Variants in CDC14A observed in about 807,000 individuals in gnomAD.
CDC14A encodes cell division cycle 14A.
In CDC14A, 53 loss-of-function variants were observed where a neutral mutation model predicts 74.4. That is an observed-to-expected ratio of 0.71 (90% CI 0.57 to 0.89). CDC14A has a LOEUF of 0.89. Ranked by LOEUF, CDC14A falls within the 40% of genes least tolerant of loss-of-function variation. The pLI, the probability that CDC14A is intolerant of heterozygous loss-of-function variation, is 0.00. For synonymous variants in CDC14A, 247 were observed against 258.4 expected (o/e 0.96, Z 0.43); for missense variants, 646 against 713.7 (o/e 0.91, Z 1.08).
chr1:100,445,403 G>A (rs1665424612), intron 7 of CDC14A, among the ~76,000 whole-genome samples: 1 of 152,112 alleles, frequency 6.6e-6, no homozygotes, highest in Admixed American at 6.5e-5. Context: ...AATTAGGTGA[G>A]TTTCAGACCC....
chr1:100,345,840 A>G (rs1650363960), intron 1 of CDC14A, among the ~76,000 whole-genome samples: 1 of 152,236 alleles, frequency 6.6e-6, no homozygotes, highest in Non-Finnish European at 1.5e-5. Flanking sequence ...TGTAGAGTAG[A>G]AACATTATTA....
At chr1:100,476,540 A>G (rs1236585661) in intron 10 of CDC14A, among the ~76,000 whole-genome samples, 1 of 152,136 alleles carries the variant, frequency 6.6e-6, no homozygotes, top group African/African-American at 2.4e-5. Context: ...CGAGGAACTC[A>G]CCACCATTTC....
intron 10 of CDC14A, among the ~76,000 whole-genome samples, chr1:100,474,366 T>G (rs982523467): frequency 6.6e-6 from 1 of 152,168 alleles, no homozygotes; most frequent in African/African-American, 2.4e-5. Flanking sequence ...AATTGGGAAT[T>G]GTTCTTCTCT....
At chr1:100,401,766 C>T (rs988874448) in intron 4 of CDC14A, among the ~76,000 whole-genome samples, 10 of 152,084 alleles carry the variant, frequency 6.6e-5, no homozygotes, top group Admixed American at 4.6e-4. Context: ...GGGCCGGCCA[C>T]GGTGGCTCAT....
chr1:100,396,276 A>G (rs1353682255), intron 4 of CDC14A, among the ~76,000 whole-genome samples: 5 of 152,216 alleles, frequency 3.3e-5, no homozygotes, highest in Admixed American at 6.5e-5. Flanking sequence ...GGAAGAGACT[A>G]GGATGGCCAG....
intron 7 of CDC14A, among the ~76,000 whole-genome samples, chr1:100,445,349 C>A (rs966577675): frequency 6.6e-6 from 1 of 152,108 alleles, no homozygotes; most frequent in Non-Finnish European, 1.5e-5. Flanking sequence ...CAGTCCTATA[C>A]CCAATTTTGT....
chr1:100,462,922 A>C, intron 9 of CDC14A, 41 bp downstream of exon 9: 1 of 1,475,634 alleles, frequency 6.8e-7, no homozygotes, highest in Non-Finnish European at 9.5e-7. Context: ...TGCTTATCGA[A>C]GGGGCGGGCC....
chr1:100,439,165 T>C (rs1664657075), intron 5 of CDC14A, among the ~76,000 whole-genome samples: 1 of 152,366 alleles, frequency 6.6e-6, no homozygotes, highest in South Asian at 2.1e-4. Context: ...CACGGTAGGT[T>C]CCCACTCCTT....
At chr1:100,398,412 C>T (rs1048799381) in intron 4 of CDC14A, among the ~76,000 whole-genome samples, 3 of 152,158 alleles carry the variant, frequency 2.0e-5, no homozygotes, top group Admixed American at 2.0e-4. Flanking sequence ...GGCTCAGTAA[C>T]AACACTCATA....
At chr1:100,401,191 T>C in intron 4 of CDC14A, among the ~76,000 whole-genome samples, 1 of 151,450 alleles carries the variant, frequency 6.6e-6, no homozygotes, top group East Asian at 1.9e-4. Flanking sequence ...GGGGATGTAC[T>C]TTTTTTTAGC....
intron 5 of CDC14A, among the ~76,000 whole-genome samples, chr1:100,426,191 C>A (rs1007200498): frequency 6.6e-6 from 1 of 152,160 alleles, no homozygotes; most frequent in African/African-American, 2.4e-5. Context: ...TGGCACACTG[C>A]AACCTCTGCC....
intron 4 of CDC14A, among the ~76,000 whole-genome samples, chr1:100,419,564 A>T (rs970905744): frequency 6.6e-6 from 1 of 152,282 alleles, no homozygotes; most frequent in African/African-American, 2.4e-5. Flanking sequence ...CAAAGCACAC[A>T]TCATAGTGAT....
chr1:100,377,050 T>C (rs1196629507), intron 2 of CDC14A, among the ~76,000 whole-genome samples: 1 of 151,730 alleles, frequency 6.6e-6, no homozygotes, highest in Non-Finnish European at 1.5e-5. Flanking sequence ...TTTTTTTTTT[T>C]GCGATGGAGT....
intron 15 of CDC14A, 84 bp from the exon 16 acceptor site, chr1:100,518,167 G>A: frequency 3.0e-6 from 3 of 995,156 alleles, no homozygotes; most frequent in Non-Finnish European, 4.8e-6. Flanking sequence ...AAGCTGTCTT[G>A]TGTGGAAGGG....
chr1:100,414,167 G>A (rs1661219102), intron 4 of CDC14A, among the ~76,000 whole-genome samples: 1 of 152,064 alleles, frequency 6.6e-6, no homozygotes, highest in Non-Finnish European at 1.5e-5. Context: ...ATTTCCAGAA[G>A]TCAAAATATT....
At chr1:100,385,984 T>C (rs931330097) in intron 3 of CDC14A, among the ~76,000 whole-genome samples, 4 of 151,972 alleles carry the variant, frequency 2.6e-5, no homozygotes, top group Admixed American at 6.6e-5. Flanking sequence ...CTGGCCAACA[T>C]GGTGAAACCC....
At chr1:100,462,532 A>T (rs1667410444) in intron 8 of CDC14A, 119 bp from the exon 9 acceptor site, 2 of 764,258 alleles carry the variant, frequency 2.6e-6, no homozygotes, top group Non-Finnish European at 4.3e-6. Context: ...CTCTCACACA[A>T]CACACTTTCC....
chr1:100,408,566 C>T (rs752761989), intron 4 of CDC14A, among the ~76,000 whole-genome samples: 1 of 152,180 alleles, frequency 6.6e-6, no homozygotes, highest in Non-Finnish European at 1.5e-5. Flanking sequence ...TCTCTGCAGC[C>T]TCACCAGCAT....
chr1:100,370,636 T>A (rs753126648), intron 2 of CDC14A, among the ~76,000 whole-genome samples: 12 of 152,200 alleles, frequency 7.9e-5, no homozygotes, highest in Non-Finnish European at 1.6e-4. Context: ...ACAGGTTTAT[T>A]TCGGGGTTCT....
Sources: gnomAD v4.1 joint callset for allele counts (sites outside exome capture counted in the v4.1 genomes callset) on GRCh38, gnomAD v4.1.1 for gene constraint, MANE v1.5 for transcripts, NCBI Gene and HGNC (gene_info 2026-07-23, HGNC 2026-07-21) for gene names.